The following CAMTA1 variants were observed in gnomAD, a reference collection of about 807,000 sequenced individuals.
CAMTA1 encodes the protein calmodulin binding transcription activator 1.
Under a neutral mutation model 170.9 loss-of-function variants are expected in CAMTA1, and 27 were observed. The ratio of observed to expected loss-of-function variants is 0.16; its 90% CI spans 0.12 to 0.22. CAMTA1 has a LOEUF of 0.22. Among genes scored for constraint, CAMTA1 ranks in the 10% least tolerant of loss-of-function variants. The probability of loss-of-function intolerance (pLI) is 1.00; values close to 1 mark genes in which losing one functional copy is unlikely to be tolerated. For synonymous variants in CAMTA1, 833 were observed against 891.5 expected, an observed-to-expected ratio of 0.93 and a Z score of 1.17; for missense variants, 1,619 against 2,217.2, an observed-to-expected ratio of 0.73 and a Z score of 5.42.
rs867723483 is a variant in CAMTA1, at chr1:7,381,408, G to A, written c.439-86422G>A. Among the ~76,000 whole-genome samples, 137 of 151,038 alleles carry A rather than the reference G, an allele frequency of 9.1e-4. 1 individual carries two copies. Among genetic ancestry groups the A allele is most frequent in the African/African-American group, 3.2e-3 (133 of 41,088 alleles). On this transcript the variant is annotated intron_variant, in intron 5 of 22. Transcript: ENST00000303635. ...CTATGAGTGAGAATATGCGGTGTTCGGTTTTTTGTTCTTGCAATAGTTTAC... is the reference window on the plus strand; with the variant it reads ...CTATGAGTGAGAATATGCGGTGTTCAGTTTTTTGTTCTTGCAATAGTTTAC...
intron 3 of CAMTA1, among the ~76,000 whole-genome samples, chr1:7,016,103 C>A (rs778515277): frequency 6.6e-6 from 1 of 151,566 alleles, no homozygotes; most frequent in Non-Finnish European, 1.5e-5. Context: ...GCAGCCACAC[C>A]CTGCCCCATC....
At chr1:6,983,629 G>C (rs1053411781) in intron 3 of CAMTA1, among the ~76,000 whole-genome samples, 2 of 152,032 alleles carry the variant, frequency 1.3e-5, no homozygotes, top group Non-Finnish European at 2.9e-5. Flanking sequence ...GTTTACTTCA[G>C]TAGCCCAGTA....
intron 6 of CAMTA1, among the ~76,000 whole-genome samples, chr1:7,568,439 A>G (rs1462091385): frequency 8.2e-6 from 1 of 122,424 alleles, no homozygotes; most frequent in Non-Finnish European, 1.7e-5. Context: ...ATCACCATCA[A>G]CATCATCACC....
chr1:7,507,874 C>T (rs996456678), intron 6 of CAMTA1, among the ~76,000 whole-genome samples: 3 of 152,196 alleles, frequency 2.0e-5, no homozygotes, highest in Non-Finnish European at 4.4e-5. Flanking sequence ...GCTGGGCACT[C>T]GGTGGCCTCC....
intron 6 of CAMTA1, among the ~76,000 whole-genome samples, chr1:7,567,305 A>G (rs1225850757): frequency 6.6e-6 from 1 of 152,232 alleles, no homozygotes; most frequent in African/African-American, 2.4e-5. Flanking sequence ...CAGGGCAGGC[A>G]GGACTGCTCA....
intron 9 of CAMTA1, 35 bp from the exon 10 acceptor site, chr1:7,670,876 C>A: frequency 6.2e-7 from 1 of 1,608,616 alleles, no homozygotes; most frequent in Non-Finnish European, 8.5e-7. Context: ...CAGTGGCTCA[C>A]ACTCCAACTC....
At chr1:7,739,626 G>C (rs1196479693) in intron 16 of CAMTA1, among the ~76,000 whole-genome samples, 1 of 152,166 alleles carries the variant, frequency 6.6e-6, no homozygotes, top group East Asian at 1.9e-4. Context: ...TTATATGGTG[G>C]CAGGCAAGAG....
At chr1:7,733,952 CT>C (rs1183586772) in intron 12 of CAMTA1, among the ~76,000 whole-genome samples, 20 of 151,976 alleles carry the variant, frequency 1.3e-4, no homozygotes, top group Admixed American at 1.2e-3. Context: ...AGATAGGCTT[CT>C]TTTTTTTCTT....
chr1:6,954,866 G>A (rs917128198), intron 3 of CAMTA1, among the ~76,000 whole-genome samples: 2 of 152,068 alleles, frequency 1.3e-5, no homozygotes, highest in Admixed American at 1.3e-4. Flanking sequence ...GGACGGGCTG[G>A]GGAGCAGCCT....
chr1:7,518,519 C>T (rs1207865062), intron 6 of CAMTA1, among the ~76,000 whole-genome samples: 4 of 151,994 alleles, frequency 2.6e-5, no homozygotes, highest in Non-Finnish European at 5.9e-5. Context: ...GGGAGAAGCA[C>T]CATCCCTCCC....
intron 11 of CAMTA1, among the ~76,000 whole-genome samples, chr1:7,687,933 C>A (rs2096272563): frequency 6.6e-6 from 1 of 151,782 alleles, no homozygotes; most frequent in South Asian, 2.1e-4. Flanking sequence ...TGCAGATTCA[C>A]CGGAAGCCTG....
At chr1:6,880,410 G>A (rs375122793) in intron 3 of CAMTA1, among the ~76,000 whole-genome samples, 2 of 83,410 alleles carry the variant, frequency 2.4e-5, no homozygotes, top group African/African-American at 9.6e-5. Flanking sequence ...TTTTTTTTGA[G>A]ACAGGGTTTC....
intron 6 of CAMTA1, among the ~76,000 whole-genome samples, chr1:7,567,863 C>T (rs946987131): frequency 1.3e-5 from 2 of 152,200 alleles, no homozygotes; most frequent in Non-Finnish European, 2.9e-5. Context: ...GAGATCACAG[C>T]TGGGCTCTGC....
intron 3 of CAMTA1, among the ~76,000 whole-genome samples, chr1:6,890,661 C>T (rs902908035): frequency 3.9e-5 from 6 of 151,918 alleles, no homozygotes; most frequent in Non-Finnish European, 5.9e-5. Context: ...GCCTTGACCT[C>T]CTGAGCTCAA....
chr1:7,729,432 A>T (rs1275259375), intron 11 of CAMTA1, among the ~76,000 whole-genome samples: 1 of 152,154 alleles, frequency 6.6e-6, no homozygotes, highest in Non-Finnish European at 1.5e-5. Context: ...TAATATCAAG[A>T]TTCTTAAAAA....
rs139879598 is a variant in CAMTA1, at chr1:7,202,483, A to G, written c.303-47008A>G. 3.9e-3 allele frequency among the ~76,000 whole-genome samples: 598 copies of G among 152,298 alleles called. 4 individuals carry two copies. Among genetic ancestry groups the G allele is most frequent in the African/African-American group, 0.013 (556 of 41,566 alleles). The stretch of plus-strand genomic sequence containing the variant: ...CTGTAGAGCAGTTTGGAGAGTACTG[A>G]TATCTTAACGATGTTAAGTTTTCTG... On this transcript the variant is annotated intron_variant, in intron 4 of 22. Transcript: ENST00000303635.
In CAMTA1 at chr1:7,033,127, GT is replaced by G. The variant is rs759686319; in HGVS notation, c.235-58172del. On this transcript the variant is annotated intron_variant, in intron 3 of 22. Transcript: ENST00000303635. ...CAAATTTGGAAAATTTTGGCTGTTA[GT>G]TTTTCTATTTGTTTCTGTCCCATCT... is the stretch of plus-strand genomic sequence containing the variant. Among the ~76,000 whole-genome samples the G allele has an allele frequency of 4.6e-5, 7 of 152,210 alleles. No individual in the cohort carries two copies. In the South Asian group the frequency reaches 6.2e-4, roughly 14 times the overall value.
At chr1:6,921,923 A>G (rs1682104225) in intron 3 of CAMTA1, among the ~76,000 whole-genome samples, 7 of 152,200 alleles carry the variant, frequency 4.6e-5, no homozygotes, top group Admixed American at 4.6e-4. Context: ...GAGCCAAACC[A>G]TATCAGTGGG....
chr1:7,098,596 C>T (rs144924343), intron 4 of CAMTA1, among the ~76,000 whole-genome samples: 361 of 152,276 alleles, frequency 2.4e-3, no homozygotes, highest in African/African-American at 8.2e-3. Context: ...GTAGGGAAGT[C>T]CCCAGTCTCT....
Sources: gnomAD v4.1 joint callset for allele counts (sites outside exome capture counted in the v4.1 genomes callset) on GRCh38, gnomAD v4.1.1 for gene constraint, MANE v1.5 for transcripts, NCBI Gene and HGNC (gene_info 2026-07-23, HGNC 2026-07-21) for gene names.